Variants in MED12L observed in about 807,000 individuals in gnomAD.
MED12L encodes mediator of RNA polymerase II transcription subunit 12-like protein.
Under a neutral mutation model 281.3 loss-of-function variants are expected in MED12L, and 60 were observed. That is an observed-to-expected ratio of 0.21 (90% CI 0.17 to 0.26). MED12L has a LOEUF of 0.26. Ranked by LOEUF, MED12L falls within the 10% of genes least tolerant of loss-of-function variation. MED12L has a pLI of 1.00. For synonymous variants in MED12L, 974 were observed against 987.2 expected, an observed-to-expected ratio of 0.99 and a Z score of 0.25; for missense variants, 2,146 against 2,680.9, an observed-to-expected ratio of 0.80 and a Z score of 4.41.
At position 151,170,710 on chromosome 3, in the gene MED12L, T is replaced by C. The variant is rs73016798; in HGVS notation, c.1494+4728T>C. On this transcript the variant is annotated intron_variant, in intron 11 of 44. Coordinates refer to ENST00000687756, the MANE Select transcript of MED12L (RefSeq NM_001393769.1). ...TAAAAATCTCAAAAACCTGAGTGTTTCCTTATTCTAGATCTGTGCTGCTTA... is the reference window on the plus strand; with the variant it reads ...TAAAAATCTCAAAAACCTGAGTGTTCCCTTATTCTAGATCTGTGCTGCTTA... 3.9e-3 allele frequency among the ~76,000 whole-genome samples: 592 copies of C among 152,334 alleles called. 3 individuals carry two copies. Among genetic ancestry groups the C allele is most frequent in the African/African-American group, 0.014 (574 of 41,568 alleles).
chr3:151,199,943 C>T (rs984463690), intron 16 of MED12L, among the ~76,000 whole-genome samples: 1 of 151,562 alleles, frequency 6.6e-6, no homozygotes, highest in Non-Finnish European at 1.5e-5. Context: ...CCAGCCTGGT[C>T]GCAAGAGTCT....
chr3:151,294,328 A>T, intron 16 of MED12L: 1 of 1,614,186 alleles, frequency 6.2e-7, no homozygotes, highest in Non-Finnish European at 8.5e-7. Context: ...CCAGGCAAAC[A>T]TTACACGCAG....
intron 16 of MED12L, among the ~76,000 whole-genome samples, chr3:151,211,718 G>T (rs918615327): frequency 2.0e-5 from 3 of 152,182 alleles, no homozygotes; most frequent in Admixed American, 6.5e-5. Flanking sequence ...CACAATCATG[G>T]CTCACTGCAA....
At chr3:151,373,165 G>A (rs551727499) in intron 27 of MED12L, among the ~76,000 whole-genome samples, 1 of 151,922 alleles carries the variant, frequency 6.6e-6, no homozygotes, top group Admixed American at 6.6e-5. Context: ...TCATCTATAG[G>A]CCACAGTTCG....
chr3:151,181,461 G>A (rs1425164268), intron 11 of MED12L, among the ~76,000 whole-genome samples: 1 of 151,144 alleles, frequency 6.6e-6, no homozygotes, highest in Non-Finnish European at 1.5e-5. Context: ...CTGTTGCCTA[G>A]GCTAGCCTCG....
intron 12 of MED12L, 97 bp from the exon 13 acceptor site, chr3:151,188,257 A>G: frequency 2.3e-6 from 2 of 867,480 alleles, no homozygotes; most frequent in Non-Finnish European, 1.8e-6. Context: ...TACATGTTTT[A>G]CCTGAGCACT....
chr3:151,201,461 A>T (rs377206778), intron 16 of MED12L, among the ~76,000 whole-genome samples: 1 of 152,124 alleles, frequency 6.6e-6, no homozygotes, highest in African/African-American at 2.4e-5. Context: ...GATTTTAAGG[A>T]TGGATGGAAA....
chr3:151,208,495 A>G (rs890735837), intron 16 of MED12L, among the ~76,000 whole-genome samples: 1 of 152,170 alleles, frequency 6.6e-6, no homozygotes, highest in Non-Finnish European at 1.5e-5. Flanking sequence ...CAGCCTGGCA[A>G]ACATGGTAAA....
chr3:151,104,521 G>C (rs1271852294), intron 2 of MED12L, among the ~76,000 whole-genome samples: 1 of 152,060 alleles, frequency 6.6e-6, no homozygotes, highest in Non-Finnish European at 1.5e-5. Context: ...TGCTTTTCTT[G>C]GCCATTGTAG....
intron 16 of MED12L, among the ~76,000 whole-genome samples, chr3:151,206,211 T>C (rs1351637945): frequency 6.6e-6 from 1 of 151,894 alleles, no homozygotes; most frequent in Non-Finnish European, 1.5e-5. Context: ...TAAAGTGAAA[T>C]GTAGACGTAT....
At chr3:151,371,517 T>C (rs1756184872) in intron 26 of MED12L, among the ~76,000 whole-genome samples, 1 of 152,248 alleles carries the variant, frequency 6.6e-6, no homozygotes, top group South Asian at 2.1e-4. Context: ...TTTATTCCTC[T>C]CCTCTGCTTA....
rs776722066 is a variant in MED12L at position 151,434,378 on chromosome 3, A to C, written c.*1574A>C. On this transcript the variant is annotated 3_prime_UTR_variant, in exon 45 of 45. Transcript: ENST00000687756. ...ACATGTCAGCTTACTTTGCTGTGGC[A>C]ACATCCATGTGAACTGCTTTGTACA... 1 of 152,208 alleles carries C rather than the reference A, an allele frequency of 6.6e-6. No individual in the cohort carries two copies. The highest frequency in any genetic ancestry group is 2.4e-5 in the African/African-American group (1 of 41,448). The allele number at this position is 152,208 out of a possible 1,614,324, so 9.4% of individuals were successfully genotyped here.
At chr3:151,348,922 T>G (rs1208019087) in intron 16 of MED12L, among the ~76,000 whole-genome samples, 1 of 152,244 alleles carries the variant, frequency 6.6e-6, no homozygotes, top group Admixed American at 6.5e-5. Context: ...CACTGCTAAT[T>G]AGGAACACAG....
intron 39 of MED12L, 72 bp from the exon 40 acceptor site, chr3:151,409,171 G>A (rs1716677834): frequency 1.7e-6 from 2 of 1,172,018 alleles, no homozygotes; most frequent in African/African-American, 1.5e-5. Flanking sequence ...GGGTTATTTG[G>A]ATTATTAACC....
At chr3:151,296,801 C>A (rs1745158124) in intron 16 of MED12L, among the ~76,000 whole-genome samples, 1 of 151,900 alleles carries the variant, frequency 6.6e-6, no homozygotes, top group African/African-American at 2.4e-5. Flanking sequence ...TTTTTACTTC[C>A]CTGTAATTAA....
chr3:151,195,919 A>G (rs1300411618), intron 16 of MED12L, among the ~76,000 whole-genome samples: 2 of 152,222 alleles, frequency 1.3e-5, no homozygotes, highest in African/African-American at 4.8e-5. Context: ...AAGGGGGGTG[A>G]TAAATTAAGC....
rs147884215 is a variant in MED12L at position 151,377,018 on chromosome 3, A to G, written c.4156A>G (p.Asn1386Asp). The G allele has an allele frequency of 7.4e-6, 12 of 1,613,988 alleles. No homozygotes were observed. Among genetic ancestry groups the G allele is most frequent in the Middle Eastern group, 3.3e-4 (2 of 6,060 alleles). The change falls in exon 30 of 45, where the codon AAC (asparagine) becomes GAC (aspartate). Residue 1386 changes from asparagine (N) to aspartate (D), a missense_variant. Coordinates refer to ENST00000687756, the MANE Select transcript of MED12L (RefSeq NM_001393769.1). ...PGSGSVAEMN[N>D]LLDNIAKATI... ...CTCTGGTTCTGTGGCCGAAATGAACAACTTACTGGACAATATTGCAAAGGC... is the reference window on the plus strand; with the variant it reads ...CTCTGGTTCTGTGGCCGAAATGAACGACTTACTGGACAATATTGCAAAGGC...
At chr3:151,159,709 C>G in intron 7 of MED12L, 123 bp from the exon 8 acceptor site, 1 of 869,418 alleles carries the variant, frequency 1.2e-6, no homozygotes, top group Non-Finnish European at 1.8e-6. Flanking sequence ...TATTGGACAG[C>G]ACTTGCTTTA....
intron 2 of MED12L, among the ~76,000 whole-genome samples, chr3:151,095,912 G>C (rs1467562797): frequency 6.6e-6 from 1 of 152,052 alleles, no homozygotes; most frequent in Non-Finnish European, 1.5e-5. Context: ...AGTTTCCCTT[G>C]CATGTTGAGA....
Sources: allele counts gnomAD v4.1 joint callset (sites outside exome capture counted in the v4.1 genomes callset), GRCh38; gene constraint gnomAD v4.1.1; transcripts MANE v1.5; gene names NCBI Gene and HGNC (gene_info 2026-07-23, HGNC 2026-07-21).